Variants in CSRP1 observed in about 807,000 individuals in gnomAD.
CSRP1 encodes the protein cysteine and glycine-rich protein 1.
CSRP1 carries 16 observed loss-of-function variants against 25.4 expected under a neutral mutation model. The observed-to-expected ratio is 0.63, with a 90% confidence interval of 0.43 to 0.96. The LOEUF (loss-of-function observed/expected upper bound fraction) is 0.96, where lower values mean the gene tolerates loss of function less well. Among genes scored for constraint, CSRP1 ranks in the 40% least tolerant of loss-of-function variants. The pLI is 0.00. For synonymous variants in CSRP1, 97 were observed against 95.3 expected (o/e 1.02, Z -0.10); for missense variants, 212 against 243.6 (o/e 0.87, Z 0.86).
At position 201,485,294 on chromosome 1, in the gene CSRP1, A is replaced by G; in HGVS notation, c.494T>C (p.Ile165Thr). The G allele has an allele frequency of 6.2e-7, 1 of 1,614,074 alleles. No individual in the cohort carries two copies. The highest frequency in any genetic ancestry group is 8.5e-7 in the Non-Finnish European group (1 of 1,179,996). ...STTLADKDGE[I>T]YCKGCYAKNF... Reference sequence around the variant, plus strand: ...GTGAAAACACCCACCTTTGCAGTAAATCTCGCCATCCTTGTCTGCCAGGGT... The same window carrying G: ...GTGAAAACACCCACCTTTGCAGTAAGTCTCGCCATCCTTGTCTGCCAGGGT... The change falls in exon 5 of 6, where the codon ATT becomes ACT. Residue 165 changes from isoleucine to threonine, a missense_variant. Ile to Thr is a moderately conservative substitution (Grantham distance 89). Coordinates refer to ENST00000340006, the MANE Select transcript of CSRP1 (RefSeq NM_004078.3).
chr1:201,489,200 T>G (rs113917707), intron 3 of CSRP1: 15 of 470,882 alleles, frequency 3.2e-5, no homozygotes, highest in African/African-American at 2.9e-4. Context: ...AACATCATAC[T>G]TCCCTCGGTC....
rs748432106 is a variant in CSRP1 at position 201,484,669 on chromosome 1, T to A, written c.*44A>T. 24 of 1,549,894 alleles carry A rather than the reference T, an allele frequency of 1.5e-5. No homozygotes were observed. Among genetic ancestry groups the A allele is most frequent in the Non-Finnish European group, 2.0e-5 (23 of 1,132,544 alleles). On this transcript the variant is annotated 3_prime_UTR_variant, in exon 6 of 6. Transcript: ENST00000340006. Reference sequence around the variant, plus strand: ...AAAGCTGCTGGGAATGGAATGGCGATGAAAAGCGCAGGAGTGGGCAGGGTG... The same window carrying A: ...AAAGCTGCTGGGAATGGAATGGCGAAGAAAAGCGCAGGAGTGGGCAGGGTG...
At chr1:201,485,157 C>G in intron 5 of CSRP1, 126 bp downstream of exon 5, 2 of 836,660 alleles carry the variant, frequency 2.4e-6, no homozygotes, top group South Asian at 3.0e-5. Context: ...ATGAAGGAAT[C>G]ATACTAGATG....
chr1:201,506,305 GCC>G (rs879791432), intron 1 of CSRP1, among the ~76,000 whole-genome samples: 10 of 152,188 alleles, frequency 6.6e-5, no homozygotes, highest in Non-Finnish European at 1.5e-4. Context: ...CAGAGCCTGA[GCC>G]CACTATTGCT....
At chr1:201,506,220 CAGCGTGGGGAG>C (rs1039543180) in intron 1 of CSRP1, among the ~76,000 whole-genome samples, 6 of 152,056 alleles carry the variant, frequency 3.9e-5, no homozygotes, top group Non-Finnish European at 7.4e-5. Flanking sequence ...GATAGTATCC[CAGCGTGGGGAG>C]AGCCTGCCCA....
intron 2 of CSRP1, chr1:201,492,756 A>C (rs1016352589): frequency 6.6e-6 from 1 of 152,256 alleles, no homozygotes; most frequent in Non-Finnish European, 1.5e-5. Flanking sequence ...GGCCAGATGC[A>C]GGGCCAGGCC....
intron 5 of CSRP1, 47 bp downstream of exon 5, chr1:201,485,235 CT>C: frequency 6.4e-7 from 1 of 1,559,250 alleles, no homozygotes; most frequent in Non-Finnish European, 8.8e-7. Flanking sequence ...CTTAGCCCCC[CT>C]ACCCCCTTGG....
chr1:201,485,789 C>T (rs750924413), intron 4 of CSRP1: 138 of 183,718 alleles, frequency 7.5e-4, no homozygotes, highest in Non-Finnish European at 1.3e-3. Context: ...TTGAACAGCC[C>T]TCACCAGAAA....
chr1:201,495,984 C>T lies in CSRP1; in HGVS notation c.112+208G>A, dbSNP rs1664497904. 2.5e-5 allele frequency: 13 copies of T among 530,156 alleles called. No homozygotes were observed. In the East Asian group the frequency reaches 3.9e-4, roughly 16 times the overall value. 32.8% of individuals were successfully genotyped at this position (530,156 alleles called of 1,614,324 possible). ...CCTGAACGCCTGCCACCCCGACCCG[C>T]TCTGGCCAGTTCATCCCTTAGAAAG... On this transcript the variant is annotated intron_variant, in intron 2 of 5. Transcript: ENST00000340006.
Position 201,490,362 on chromosome 1 carries a change from A to G in CSRP1, c.113-18T>C. 6.2e-7 allele frequency: 1 copy of G among 1,611,050 alleles called. No homozygotes were observed. The highest frequency in any genetic ancestry group is 1.1e-5 in the South Asian group (1 of 90,990). ...GCAGACCACTGTGGAGGGGAAGGGG[A>G]AGCGGACGCATTGAGTTGAAGCTGG... is the stretch of plus-strand genomic sequence containing the variant. On this transcript the variant is annotated intron_variant, in intron 2 of 5. Transcript: ENST00000340006.
In CSRP1 at chr1:201,502,980, C is replaced by CA. The variant is rs3029388; in HGVS notation, c.-2+4089dup. Among the ~76,000 whole-genome samples, 542 of 142,892 alleles carry CA rather than the reference C, an allele frequency of 3.8e-3. 1 individual carries two copies. The highest frequency in any genetic ancestry group is 0.011 in the African/African-American group (441 of 38,428). 93.7% of individuals were successfully genotyped at this position (142,892 alleles called of 152,430 possible). Reference sequence around the variant, plus strand: ...TGAAACCCCATCTCTACTAAATATACAAAAAAAAAAAAAAAATTAGCTGAG... The same window carrying CA: ...TGAAACCCCATCTCTACTAAATATACAAAAAAAAAAAAAAAAATTAGCTGAG... On this transcript the variant is annotated intron_variant, in intron 1 of 5. Transcript: ENST00000340006.
chr1:201,490,238 G>A lies in CSRP1; in HGVS notation c.219C>T (p.Tyr73=), dbSNP rs746313859. The change falls in exon 3 of 6, where the codon TAC becomes TAT. Residue 73 remains tyrosine, a synonymous_variant. Transcript: ENST00000340006. ...TGCTGAGGGTGCCTGCGCCCTGCCC[G>A]TAGCCATAGCCTTTGGGCCCATACT... ...GKKYGPKGYG[Y]GQGAGTLSTD... 2.9e-5 allele frequency: 46 copies of A among 1,614,014 alleles called. No homozygotes were observed. The highest frequency in any genetic ancestry group is 3.3e-4 in the Middle Eastern group (2 of 6,076).
Position 201,505,429 on chromosome 1 carries a change from C to T in CSRP1, c.-2+1641G>A, listed in dbSNP as rs77463855. Among the ~76,000 whole-genome samples, 93 of 152,316 alleles carry T rather than the reference C, an allele frequency of 6.1e-4. 1 individual carries two copies. In the East Asian group the frequency reaches 0.015, roughly 24 times the overall value. On this transcript the variant is annotated intron_variant, in intron 1 of 5. Coordinates refer to ENST00000340006, the MANE Select transcript of CSRP1 (RefSeq NM_004078.3). ...TAAGACAGACCACAGGCAAATAGGCCACAGCACCCCTGTTTTTCCCATTTT... is the reference window on the plus strand; with the variant it reads ...TAAGACAGACCACAGGCAAATAGGCTACAGCACCCCTGTTTTTCCCATTTT...
At chr1:201,484,960 C>T (rs1473133728) in intron 5 of CSRP1, among the ~76,000 whole-genome samples, 171 bp from the exon 6 acceptor site, 4 of 152,020 alleles carry the variant, frequency 2.6e-5, no homozygotes, top group Non-Finnish European at 5.9e-5. Flanking sequence ...AGTAAAATAG[C>T]GAAGAGGCTC....
intron 1 of CSRP1, among the ~76,000 whole-genome samples, chr1:201,499,861 A>T (rs1020994002): frequency 6.6e-6 from 1 of 152,142 alleles, no homozygotes; most frequent in Non-Finnish European, 1.5e-5. Flanking sequence ...ACCTCAAGTG[A>T]TCTGCCTGCC....
At chr1:201,494,431 G>A (rs1306389673) in intron 2 of CSRP1, among the ~76,000 whole-genome samples, 1 of 152,170 alleles carries the variant, frequency 6.6e-6, no homozygotes, top group Admixed American at 6.5e-5. Flanking sequence ...TAAGAGTAGT[G>A]AACTGCTGAT....
Position 201,496,131 on chromosome 1 carries a change from G to T in CSRP1, c.112+61C>A, listed in dbSNP as rs566603064. On this transcript the variant is annotated intron_variant, in intron 2 of 5. Coordinates refer to ENST00000340006, the MANE Select transcript of CSRP1 (RefSeq NM_004078.3). ...CCTGGGGTGTTGACAGGCCCAGCCT[G>T]TGGGGGCAGGCCCGTCCAGGGTGTC... The T allele has an allele frequency of 7.5e-6, 10 of 1,328,960 alleles. No homozygotes were observed. The Admixed American group carries it at 1.2e-4, about 16-fold the overall frequency. The allele number at this position is 1,328,960 out of a possible 1,614,324, so 82.3% of individuals were successfully genotyped here. A position where few individuals can be genotyped will look rare whatever the true frequency, so the allele number is the denominator to read the frequency against.
chr1:201,498,371 A>T (rs552143096), intron 1 of CSRP1, among the ~76,000 whole-genome samples: 1 of 152,326 alleles, frequency 6.6e-6, no homozygotes, highest in East Asian at 1.9e-4. Flanking sequence ...GGACTTGGTG[A>T]GTAAAGGACA....
intron 4 of CSRP1, 181 bp downstream of exon 4, chr1:201,488,674 A>C: frequency 1.7e-6 from 1 of 585,576 alleles, no homozygotes; most frequent in Non-Finnish European, 2.9e-6. Context: ...CATGGCTGAT[A>C]TGAGCTCCTT....
Sources: gnomAD v4.1 joint callset for allele counts (sites outside exome capture counted in the v4.1 genomes callset) on GRCh38, gnomAD v4.1.1 for gene constraint, MANE v1.5 for transcripts, NCBI Gene and HGNC (gene_info 2026-07-23, HGNC 2026-07-21) for gene names.